Variants in PLPPR1 observed in about 807,000 individuals in gnomAD.
PLPPR1 encodes the protein phospholipid phosphatase related 1, also known as phospholipid phosphatase-related protein type 1.
PLPPR1 carries 10 observed loss-of-function variants against 33.1 expected under a neutral mutation model. The ratio of observed to expected loss-of-function variants is 0.30; its 90% confidence interval spans 0.19 to 0.51. The LOEUF (loss-of-function observed/expected upper bound fraction) is 0.51, where lower values mean the gene tolerates loss of function less well. Ranked by LOEUF, PLPPR1 falls within the 20% of genes least tolerant of loss-of-function variation. The pLI, the probability that PLPPR1 is intolerant of heterozygous loss-of-function variation, is 0.97. For missense variants in PLPPR1, 304 were observed against 408.1 expected (o/e 0.74, Z 2.20); for synonymous variants, 151 against 151.0 (o/e 1.00, Z 0.00).
intron 1 of PLPPR1, among the ~76,000 whole-genome samples, chr9:101,078,882 C>T (rs1233361373): frequency 6.6e-6 from 1 of 152,168 alleles, no homozygotes; most frequent in Non-Finnish European, 1.5e-5. Flanking sequence ...CACCCTCAAG[C>T]TTGATTCTGA....
Position 101,291,251 on chromosome 9 carries a change from T to G in PLPPR1, c.385+5015T>G, listed in dbSNP as rs1320334610. ...AGGCTGGGGGAGGGGCGCCCGCCAT[T>G]GCCCAGGCTTGCTTAGGTAAACAAA... On this transcript the variant is annotated intron_variant, in intron 4 of 7. Transcript: ENST00000374874. Among the ~76,000 whole-genome samples, 6 of 152,302 alleles carry G rather than the reference T, an allele frequency of 3.9e-5. No individual in the cohort carries two copies. The South Asian group carries it at 1.2e-3, about 32-fold the overall frequency.
intron 1 of PLPPR1, among the ~76,000 whole-genome samples, chr9:101,108,167 T>C (rs956700816): frequency 6.8e-6 from 1 of 146,838 alleles, no homozygotes; most frequent in African/African-American, 2.6e-5. Context: ...CCATCTTGGC[T>C]CCTCCCCTCA....
intron 2 of PLPPR1, among the ~76,000 whole-genome samples, chr9:101,257,912 G>A (rs1409324644): frequency 6.6e-6 from 1 of 151,712 alleles, no homozygotes; most frequent in East Asian, 1.9e-4. Context: ...CATACATTAG[G>A]GTTTTAATGT....
intron 1 of PLPPR1, among the ~76,000 whole-genome samples, chr9:101,091,488 C>T (rs898194147): frequency 6.6e-6 from 1 of 152,142 alleles, no homozygotes; most frequent in African/African-American, 2.4e-5. Flanking sequence ...CTTCCTTCAT[C>T]TTCAAACCCA....
chr9:101,107,740 C>A (rs1256129348), intron 1 of PLPPR1, among the ~76,000 whole-genome samples: 6 of 115,584 alleles, frequency 5.2e-5, no homozygotes, highest in Admixed American at 1.8e-4. Context: ...GGGCGCCCCT[C>A]CCCCAGCCTC....
intron 1 of PLPPR1, among the ~76,000 whole-genome samples, chr9:101,087,267 A>G (rs1376777631): frequency 6.6e-6 from 1 of 152,190 alleles, no homozygotes. Flanking sequence ...ATAAAATCTA[A>G]GAAGTGAAGT....
chr9:101,048,026 G>C (rs560542827), intron 1 of PLPPR1, among the ~76,000 whole-genome samples: 5 of 152,252 alleles, frequency 3.3e-5, no homozygotes, highest in African/African-American at 1.2e-4. Context: ...CCCCAGCCTA[G>C]TATATAGAAG....
chr9:101,270,098 T>A, intron 3 of PLPPR1, 30 bp downstream of exon 3: 2 of 1,604,816 alleles, frequency 1.2e-6, no homozygotes, highest in South Asian at 2.2e-5. Flanking sequence ...TTCCTCTTTA[T>A]TGTCAGATAC....
intron 1 of PLPPR1, among the ~76,000 whole-genome samples, chr9:101,180,125 TATATATATATATATATATACACAC>T (rs1255496000): frequency 0.019 from 708 of 37,510 alleles, 23 homozygotes; most frequent in African/African-American, 0.062. Context: ...TATATATATA[TATATATATATATATATATACACAC>T]ACACACACAC....
intron 1 of PLPPR1, among the ~76,000 whole-genome samples, chr9:101,106,193 G>A (rs1830966918): frequency 6.7e-6 from 1 of 149,340 alleles, no homozygotes; most frequent in East Asian, 2.0e-4. Flanking sequence ...CTGTCATTAT[G>A]ATGTTAGCTG....
chr9:101,052,636 A>C (rs951934735), intron 1 of PLPPR1, among the ~76,000 whole-genome samples: 2 of 152,186 alleles, frequency 1.3e-5, no homozygotes, highest in Non-Finnish European at 2.9e-5. Context: ...ATGGTGGCAG[A>C]AGATTTCCCA....
At chr9:101,154,008 A>G (rs1408090887) in intron 1 of PLPPR1, among the ~76,000 whole-genome samples, 1 of 152,180 alleles carries the variant, frequency 6.6e-6, no homozygotes, top group Non-Finnish European at 1.5e-5. Context: ...ATGCTGGATT[A>G]CATTGACTGA....
intron 1 of PLPPR1, among the ~76,000 whole-genome samples, chr9:101,106,050 T>C (rs373759491): frequency 6.6e-5 from 10 of 151,454 alleles, no homozygotes; most frequent in East Asian, 1.9e-4. Flanking sequence ...TGTCTCTGCA[T>C]GTGAGATGGG....
chr9:101,308,945 C>T (rs1233824816), intron 4 of PLPPR1, among the ~76,000 whole-genome samples: 1 of 152,176 alleles, frequency 6.6e-6, no homozygotes, highest in Non-Finnish European at 1.5e-5. Flanking sequence ...GTCTATATGA[C>T]TCCAAAATTC....
At chr9:101,307,635 G>T (rs1220293781) in intron 4 of PLPPR1, among the ~76,000 whole-genome samples, 1 of 152,180 alleles carries the variant, frequency 6.6e-6, no homozygotes, top group Non-Finnish European at 1.5e-5. Flanking sequence ...AAAGATGATG[G>T]CAATCAGCAC....
chr9:101,204,938 G>T (rs575380246), intron 2 of PLPPR1, among the ~76,000 whole-genome samples: 1 of 152,128 alleles, frequency 6.6e-6, no homozygotes, highest in Admixed American at 6.5e-5. Context: ...ACGGGGAGGG[G>T]GAGGGAAATG....
intron 3 of PLPPR1, among the ~76,000 whole-genome samples, 166 bp downstream of exon 3, chr9:101,270,234 T>A (rs1828070337): frequency 6.6e-6 from 1 of 152,224 alleles, no homozygotes; most frequent in African/African-American, 2.4e-5. Flanking sequence ...AAAAACTCAT[T>A]AACATAGGTC....
At chr9:101,040,355 G>A (rs369250001) in intron 1 of PLPPR1, among the ~76,000 whole-genome samples, 1 of 152,110 alleles carries the variant, frequency 6.6e-6, no homozygotes, top group Admixed American at 6.5e-5. Flanking sequence ...CACTTACTCA[G>A]TGCTGGAATC....
chr9:101,291,225 A>C (rs10989463), intron 4 of PLPPR1, among the ~76,000 whole-genome samples: 2 of 151,980 alleles, frequency 1.3e-5, no homozygotes, highest in African/African-American at 4.8e-5. Context: ...AGGTGGCAGC[A>C]AGGCTGGGGG....
Sources: gnomAD v4.1 joint callset for allele counts (sites outside exome capture counted in the v4.1 genomes callset) on GRCh38, gnomAD v4.1.1 for gene constraint, MANE v1.5 for transcripts, NCBI Gene and HGNC (gene_info 2026-07-23, HGNC 2026-07-21) for gene names.